Variants in CHD9 observed in about 807,000 individuals in gnomAD.
CHD9 encodes ATP-dependent chromatin remodeler CHD9.
A neutral mutation model predicts 316.1 loss-of-function variants in CHD9; 77 were observed. The observed-to-expected ratio is 0.24, with a 90% confidence interval of 0.20 to 0.29. The LOEUF (loss-of-function observed/expected upper bound fraction) is 0.29. CHD9 is among the 10% of genes least tolerant of loss of function. CHD9 has a pLI of 1.00. For synonymous variants in CHD9, 1,129 were observed against 1,158.3 expected (o/e 0.97, Z 0.51); for missense variants, 2,763 against 3,438.1 (o/e 0.80, Z 4.91).
chr16:53,071,196 G>A (rs2034018154), intron 1 of CHD9, among the ~76,000 whole-genome samples: 1 of 152,028 alleles, frequency 6.6e-6, no homozygotes, highest in Admixed American at 6.5e-5. Flanking sequence ...TGTAGAAGAC[G>A]TTCACCTCCT....
chr16:53,316,096 G>A (rs995564662), intron 36 of CHD9, among the ~76,000 whole-genome samples: 1 of 151,822 alleles, frequency 6.6e-6, no homozygotes, highest in Admixed American at 6.6e-5. Context: ...TTTTTATTTT[G>A]TAGAGACAGG....
At chr16:53,300,843 C>T (rs1324489987) in intron 30 of CHD9, among the ~76,000 whole-genome samples, 4 of 152,196 alleles carry the variant, frequency 2.6e-5, no homozygotes, top group East Asian at 1.9e-4. Context: ...CGGTGGCTCA[C>T]GCCTGTAATC....
At chr16:53,313,802 A>C (rs1404455877) in intron 34 of CHD9, among the ~76,000 whole-genome samples, 7 of 151,864 alleles carry the variant, frequency 4.6e-5, no homozygotes, top group Admixed American at 2.0e-4. Flanking sequence ...AATACAAAAA[A>C]ATTAGTTGGG....
At chr16:53,312,567 T>C (rs1224602751) in intron 34 of CHD9, among the ~76,000 whole-genome samples, 1 of 152,202 alleles carries the variant, frequency 6.6e-6, no homozygotes, top group East Asian at 1.9e-4. Flanking sequence ...CTTGCTAGTG[T>C]GTAAATTCTT....
intron 30 of CHD9, among the ~76,000 whole-genome samples, chr16:53,300,246 G>A (rs1003152007): frequency 2.6e-5 from 4 of 152,034 alleles, no homozygotes; most frequent in Non-Finnish European, 5.9e-5. Context: ...CCAGCTACTC[G>A]GGAGGCTGAG....
At chr16:53,292,423 C>G (rs1182452825) in intron 28 of CHD9, among the ~76,000 whole-genome samples, 1 of 152,146 alleles carries the variant, frequency 6.6e-6, no homozygotes, top group Admixed American at 6.5e-5. Context: ...TGTTTCTTCC[C>G]AGTGACTTAA....
chr16:53,171,492 G>C (rs2042717709), intron 2 of CHD9, among the ~76,000 whole-genome samples: 1 of 152,132 alleles, frequency 6.6e-6, no homozygotes, highest in Non-Finnish European at 1.5e-5. Flanking sequence ...TATGAAAAGA[G>C]ATAGACATAT....
At chr16:53,171,096 C>T (rs78191934) in intron 2 of CHD9, among the ~76,000 whole-genome samples, 4,715 of 152,140 alleles carry the variant, frequency 0.031, 95 homozygotes, top group Non-Finnish European at 0.051. Flanking sequence ...TTAGGATTGG[C>T]ATATTTTAAA....
intron 1 of CHD9, among the ~76,000 whole-genome samples, chr16:53,129,712 A>G (rs1383916721): frequency 6.6e-6 from 1 of 152,268 alleles, no homozygotes; most frequent in African/African-American, 2.4e-5. Context: ...TTGAACAAAC[A>G]TAAAGTAGGC....
intron 36 of CHD9, 61 bp from the exon 37 acceptor site, chr16:53,318,151 A>C (rs976279386): frequency 3.6e-5 from 49 of 1,370,430 alleles, no homozygotes; most frequent in Non-Finnish European, 4.8e-5. Flanking sequence ...TCATTTTAAT[A>C]TTTTGAATTG....
chr16:53,056,500 A>G (rs1567495646), intron 1 of CHD9, among the ~76,000 whole-genome samples: 2 of 152,248 alleles, frequency 1.3e-5, no homozygotes, highest in African/African-American at 4.8e-5. Context: ...CAGAGAGGCC[A>G]ATGATCTTGC....
At chr16:53,196,523 C>T (rs961142106) in intron 2 of CHD9, among the ~76,000 whole-genome samples, 1 of 152,192 alleles carries the variant, frequency 6.6e-6, no homozygotes. Flanking sequence ...ATAATTCTGT[C>T]TGCCACAATA....
intron 1 of CHD9, among the ~76,000 whole-genome samples, chr16:53,055,496 C>A (rs1000218760): frequency 1.3e-5 from 2 of 151,278 alleles, no homozygotes; most frequent in African/African-American, 2.4e-5. Flanking sequence ...CCACCCCCGC[C>A]CCCCCCCAGA....
At chr16:53,288,067 C>A in intron 27 of CHD9, 53 bp downstream of exon 27, 1 of 1,298,388 alleles carries the variant, frequency 7.7e-7, no homozygotes, top group Non-Finnish European at 1.1e-6. Context: ...TCTTTGGTTT[C>A]TTGTGTTTGC....
intron 1 of CHD9, among the ~76,000 whole-genome samples, chr16:53,070,730 T>C (rs995451846): frequency 1.3e-5 from 2 of 152,112 alleles, no homozygotes; most frequent in Non-Finnish European, 2.9e-5. Context: ...ATTTTTGTAG[T>C]TTTAGTAGAA....
intron 2 of CHD9, among the ~76,000 whole-genome samples, chr16:53,163,425 G>A (rs1181684940): frequency 6.6e-6 from 1 of 152,106 alleles, no homozygotes; most frequent in East Asian, 1.9e-4. Context: ...CGTCAGGCTG[G>A]TCTTGAACTA....
At chr16:53,246,710 G>A (rs1333133301) in intron 15 of CHD9, among the ~76,000 whole-genome samples, 1 of 151,812 alleles carries the variant, frequency 6.6e-6, no homozygotes, top group Non-Finnish European at 1.5e-5. Flanking sequence ...TTTTGGTAGA[G>A]ATGGGGTCTT....
At chr16:53,276,932 T>A (rs1198583971) in intron 24 of CHD9, among the ~76,000 whole-genome samples, 1 of 152,106 alleles carries the variant, frequency 6.6e-6, no homozygotes, top group Non-Finnish European at 1.5e-5. Context: ...ATATTACAAC[T>A]GACACCACGG....
At chr16:53,290,311 G>C (rs117480984) in intron 27 of CHD9, among the ~76,000 whole-genome samples, 1 of 152,092 alleles carries the variant, frequency 6.6e-6, no homozygotes, top group East Asian at 1.9e-4. Context: ...GGGTACTGGG[G>C]AAGTGGCCTT....
Sources: gnomAD v4.1 joint callset for allele counts (sites outside exome capture counted in the v4.1 genomes callset) on GRCh38, gnomAD v4.1.1 for gene constraint, MANE v1.5 for transcripts, NCBI Gene and HGNC (gene_info 2026-07-23, HGNC 2026-07-21) for gene names.